GARS1: variants seen among roughly 807,000 people sequenced by gnomAD.
GARS1 encodes the protein glycine--tRNA ligase.
A neutral mutation model predicts 86.4 loss-of-function variants in GARS1; 46 were observed. The observed-to-expected ratio is 0.53, with a 90% CI of 0.42 to 0.68. The LOEUF (loss-of-function observed/expected upper bound fraction) is 0.68, where lower values mean the gene tolerates loss of function less well. Among genes scored for constraint, GARS1 ranks in the 30% least tolerant of loss-of-function variants. The pLI is 0.00. For missense variants in GARS1, 797 were observed against 915.6 expected (o/e 0.87, Z 1.67); for synonymous variants, 342 against 329.8 (o/e 1.04, Z -0.40).
rs142564522 is a variant in GARS1 at position 30,630,041 on chromosome 7, C to T, written c.1809+1372C>T. The stretch of plus-strand genomic sequence containing the variant: ...TTTTATGAATTGCATGAATTCCCAT[C>T]ATGAAGAGAAATTTGATTAGGCTGT... On this transcript the variant is annotated intron_variant, in intron 14 of 16. Transcript: ENST00000389266. 2.0e-5 allele frequency among the ~76,000 whole-genome samples: 3 copies of T among 152,308 alleles called. No individual in the cohort carries two copies. In the East Asian group the frequency reaches 5.8e-4, roughly 29 times the overall value.
In GARS1 at chr7:30,632,898, T is replaced by TGGTAGAAGCACAGAAGGAGAAGGATGAGG. The variant is rs1783265381; in HGVS notation, c.2094+489_2094+490insGGGTAGAAGCACAGAAGGAGAAGGATGAG. Reference sequence around the variant, plus strand: ...GTCAATAGGAAGGCAGTAATGGAGATGGTAGAAGCACAGAAGGAGAAGGAT... The same window carrying TGGTAGAAGCACAGAAGGAGAAGGATGAGG: ...GTCAATAGGAAGGCAGTAATGGAGATGGTAGAAGCACAGAAGGAGAAGGATGAGGGGTAGAAGCACAGAAGGAGAAGGAT... On this transcript the variant is annotated intron_variant, in intron 16 of 16. Transcript: ENST00000389266. This position sits in a 1 kb window ranked among gnomAD's most constrained non-coding sequence, Gnocchi z 4.1. Among the ~76,000 whole-genome samples, 1 of 152,152 alleles carries TGGTAGAAGCACAGAAGGAGAAGGATGAGG rather than the reference T, an allele frequency of 6.6e-6. No homozygotes were observed. Among genetic ancestry groups the TGGTAGAAGCACAGAAGGAGAAGGATGAGG allele is most frequent in the African/African-American group, 2.4e-5 (1 of 41,416 alleles).
intron 7 of GARS1, among the ~76,000 whole-genome samples, 183 bp from the exon 8 acceptor site, chr7:30,611,913 A>AGCAC (rs1782766507): frequency 6.6e-6 from 1 of 152,230 alleles, no homozygotes; most frequent in African/African-American, 2.4e-5. Context: ...TACATTTTCT[A>AGCAC]ATACGTGCTA....
At chr7:30,618,388 C>CT (rs1782931467) in intron 10 of GARS1, among the ~76,000 whole-genome samples, 1 of 152,066 alleles carries the variant, frequency 6.6e-6, no homozygotes, top group African/African-American at 2.4e-5. Flanking sequence ...AATCCTAGCA[C>CT]TTTGGGAGGC....
At chr7:30,605,544 G>GC (rs745346540) in intron 6 of GARS1, among the ~76,000 whole-genome samples, 34 of 152,058 alleles carry the variant, frequency 2.2e-4, no homozygotes, top group Non-Finnish European at 4.6e-4. Flanking sequence ...TGGGGACAGA[G>GC]CCCCACTCTG....
intron 10 of GARS1, among the ~76,000 whole-genome samples, chr7:30,619,175 C>T (rs1424885796): frequency 2.6e-5 from 4 of 152,170 alleles, no homozygotes; most frequent in African/African-American, 4.8e-5. Flanking sequence ...ACACCAGACT[C>T]ATGCTCTTAA....
chr7:30,600,048 A>T lies in GARS1; in HGVS notation c.426A>T (p.Gly142=). 6.2e-7 allele frequency: 1 copy of T among 1,601,340 alleles called. No individual in the cohort carries two copies. Among genetic ancestry groups the T allele is most frequent in the Non-Finnish European group, 8.6e-7 (1 of 1,168,442 alleles). The change falls in exon 3 of 17, where the codon GGA becomes GGT. Residue 142 remains glycine, a splice_region_variant and synonymous_variant. Transcript: ENST00000389266. ...ATGATCAAGCTTTTGCTATTTATGG[A>T]GGTAAGGGATTAATGACAAAAAGAA... The part of the protein sequence containing the change: ...FFYDQAFAIY[G]GVSGLYDFGP...
chr7:30,612,237 CAG>C lies in GARS1; in HGVS notation c.1026_1027del (p.Arg342SerfsTer10). The C allele has an allele frequency of 3.1e-6, 5 of 1,614,076 alleles. No homozygotes were observed. The highest frequency in any genetic ancestry group is 4.2e-6 in the Non-Finnish European group (5 of 1,179,938). ...NEISPRSGLIRVREFTMAEIE... is the reference protein window; with the variant it reads ...NEISPRSGLIXVREFTMAEIE... The stretch of plus-strand genomic sequence containing the variant: ...AGATCTCCCCTCGATCTGGACTGAT[CAG>C]AGTCAGGTACTGCTCAGGTTACTCT... On this transcript the variant is annotated frameshift_variant, in exon 8 of 17. Transcript: ENST00000389266. LOFTEE classifies it high-confidence loss of function.
intron 1 of GARS1, chr7:30,595,780 C>T (rs1439285336): frequency 4.2e-6 from 2 of 471,160 alleles, no homozygotes; most frequent in Admixed American, 4.7e-5. Flanking sequence ...ATGCTGTGAA[C>T]TCATCATCCT....
chr7:30,609,811 T>C, intron 7 of GARS1, 81 bp downstream of exon 7: 3 of 1,397,976 alleles, frequency 2.1e-6, no homozygotes, highest in South Asian at 1.2e-5. Flanking sequence ...ATCAATGTTA[T>C]GAAGGAAAAA....
intron 6 of GARS1, among the ~76,000 whole-genome samples, chr7:30,605,675 C>T (rs1791469436): frequency 6.6e-6 from 1 of 152,092 alleles, no homozygotes; most frequent in African/African-American, 2.4e-5. Flanking sequence ...AGCCATGGTG[C>T]CCAGCCTGAA....
At chr7:30,595,761 T>C in intron 1 of GARS1, 1 of 471,090 alleles carries the variant, frequency 2.1e-6, no homozygotes, top group Non-Finnish European at 4.4e-6. Context: ...GTGTCGAACT[T>C]TTCTATTAAT....
chr7:30,605,154 GCA>G lies in GARS1; in HGVS notation c.735+1585_735+1586del, dbSNP rs1255168686. Among the ~76,000 whole-genome samples the G allele has an allele frequency of 2.0e-5, 3 of 152,338 alleles. No homozygotes were observed. In the South Asian group the frequency reaches 6.2e-4, roughly 32 times the overall value. ...GGCTGAAAGCCCATCTGTTGCTTAAGCACAGAGTAGCGTTTTCTGCACCTTAG... is the reference window on the plus strand; with the variant it reads ...GGCTGAAAGCCCATCTGTTGCTTAAGCAGAGTAGCGTTTTCTGCACCTTAG... On this transcript the variant is annotated intron_variant, in intron 6 of 16. Transcript: ENST00000389266.
intron 6 of GARS1, 92 bp downstream of exon 6, chr7:30,603,664 C>T (rs1466351679): frequency 1.1e-6 from 1 of 899,738 alleles, no homozygotes. Flanking sequence ...ATTATGCTGA[C>T]CCTGGCCACA....
At position 30,600,008 on chromosome 7, in the gene GARS1, AGAG is replaced by A; in HGVS notation, c.391_393del (p.Arg131del). On this transcript the variant is annotated inframe_deletion, in exon 3 of 17. Coordinates refer to ENST00000389266, the MANE Select transcript of GARS1 (RefSeq NM_002047.4). ...CGAGCAAAAATGGAAGATACCCTGAAGAGGAGGTTTTTCTATGATCAAGCTTTT... is the reference window on the plus strand; with the variant it reads ...CGAGCAAAAATGGAAGATACCCTGAAGAGGTTTTTCTATGATCAAGCTTTT... 6.2e-7 allele frequency: 1 copy of A among 1,614,066 alleles called. No homozygotes were observed. The highest frequency in any genetic ancestry group is 8.5e-7 in the Non-Finnish European group (1 of 1,179,930).
At chr7:30,601,239 A>G (rs1791371600) in intron 4 of GARS1, 39 bp downstream of exon 4, 1 of 1,562,054 alleles carries the variant, frequency 6.4e-7, no homozygotes, top group African/African-American at 1.4e-5. Context: ...CCTACTTTAA[A>G]TAAAATAACT....
chr7:30,612,808 T>C (rs1782794797), intron 8 of GARS1, among the ~76,000 whole-genome samples: 1 of 152,156 alleles, frequency 6.6e-6, no homozygotes, highest in African/African-American at 2.4e-5. Context: ...TCTATTCAAA[T>C]AGCCTACTTT....
Position 30,601,944 on chromosome 7 carries a change from A to G in GARS1, c.569+744A>G, listed in dbSNP as rs140138398. Reference sequence around the variant, plus strand: ...CAGGCACCCACCACCACGTCTGGCTAATTTTTTTTTTGTATTTTTAGTACA... The same window carrying G: ...CAGGCACCCACCACCACGTCTGGCTGATTTTTTTTTTGTATTTTTAGTACA... On this transcript the variant is annotated intron_variant, in intron 4 of 16. Coordinates refer to ENST00000389266, the MANE Select transcript of GARS1 (RefSeq NM_002047.4). 2.3e-3 allele frequency among the ~76,000 whole-genome samples: 350 copies of G among 150,462 alleles called. 2 individuals are homozygous for G. Among genetic ancestry groups the G allele is most frequent in the East Asian group, 0.022 (114 of 5,120 alleles).
intron 6 of GARS1, among the ~76,000 whole-genome samples, chr7:30,606,322 T>TC (rs1297506517): frequency 6.6e-6 from 1 of 151,540 alleles, no homozygotes; most frequent in Non-Finnish European, 1.5e-5. Context: ...TTTTTTTTTT[T>TC]TAGCTAGACT....
In GARS1 at chr7:30,633,964, G is replaced by A. The variant is rs1584057690; in HGVS notation, c.*104G>A. ...AAACAGCATTGTGATTACTCCCAGGGACCGTATTTTATCTTCAGTGGCTGC... is the reference window on the plus strand; with the variant it reads ...AAACAGCATTGTGATTACTCCCAGGAACCGTATTTTATCTTCAGTGGCTGC... On this transcript the variant is annotated 3_prime_UTR_variant, in exon 17 of 17. Coordinates refer to ENST00000389266, the MANE Select transcript of GARS1 (RefSeq NM_002047.4). 2 of 1,414,562 alleles carry A rather than the reference G, an allele frequency of 1.4e-6. No homozygotes were observed. The highest frequency in any genetic ancestry group is 4.8e-5 in the East Asian group (2 of 41,928). The allele number at this position is 1,414,562 out of a possible 1,614,324, so 87.6% of individuals were successfully genotyped here.
Sources: allele counts gnomAD v4.1 joint callset (sites outside exome capture counted in the v4.1 genomes callset), GRCh38; gene constraint gnomAD v4.1.1; non-coding constraint Gnocchi (gnomAD v3.1); transcripts MANE v1.5; gene names NCBI Gene and HGNC (gene_info 2026-07-23, HGNC 2026-07-21).